Variants in MACROD2 observed in about 807,000 individuals in gnomAD.
The protein encoded by MACROD2 is ADP-ribose glycohydrolase MACROD2.
Under a neutral mutation model 70.4 loss-of-function variants are expected in MACROD2, and 36 were observed. That is an observed-to-expected ratio of 0.51 (90% CI 0.39 to 0.68). MACROD2 has a LOEUF of 0.68. Ranked by LOEUF, MACROD2 falls within the 30% of genes least tolerant of loss-of-function variation. The pLI is 0.00. For synonymous variants in MACROD2, 172 were observed against 178.8 expected (o/e 0.96, Z 0.30); for missense variants, 496 against 538.4 (o/e 0.92, Z 0.78).
At chr20:16,037,002 A>T (rs2067245200) in intron 15 of MACROD2, among the ~76,000 whole-genome samples, 2 of 152,026 alleles carry the variant, frequency 1.3e-5, no homozygotes, top group South Asian at 4.1e-4. Flanking sequence ...CTCCAGGAAT[A>T]TAGTGGTATA....
At chr20:15,521,858 T>G (rs1417045718) in intron 8 of MACROD2, among the ~76,000 whole-genome samples, 1 of 152,148 alleles carries the variant, frequency 6.6e-6, no homozygotes, top group Non-Finnish European at 1.5e-5. Context: ...CAATTTACAG[T>G]GGATTTTAGT....
At chr20:14,728,435 G>A (rs998865707) in intron 5 of MACROD2, among the ~76,000 whole-genome samples, 1 of 151,968 alleles carries the variant, frequency 6.6e-6, no homozygotes, top group Non-Finnish European at 1.5e-5. Flanking sequence ...ATTTTATATA[G>A]CATACGTAAT....
At chr20:14,653,364 G>A (rs777949154) in intron 4 of MACROD2, among the ~76,000 whole-genome samples, 3 of 151,768 alleles carry the variant, frequency 2.0e-5, no homozygotes, top group Admixed American at 6.6e-5. Flanking sequence ...GACTACAGGC[G>A]CCCGCCACCA....
At chr20:14,185,748 T>TA (rs2081339263) in intron 3 of MACROD2, among the ~76,000 whole-genome samples, 1 of 152,186 alleles carries the variant, frequency 6.6e-6, no homozygotes, top group Non-Finnish European at 1.5e-5. Context: ...TTAGATGAGC[T>TA]AATCTTTTTA....
chr20:14,395,084 A>G (rs1445998663), intron 3 of MACROD2, among the ~76,000 whole-genome samples: 1 of 152,038 alleles, frequency 6.6e-6, no homozygotes, highest in Non-Finnish European at 1.5e-5. Context: ...TAGTAGAGCA[A>G]TGTTGATCTC....
intron 4 of MACROD2, among the ~76,000 whole-genome samples, chr20:14,521,964 C>T (rs1667918396): frequency 6.6e-6 from 1 of 152,110 alleles, no homozygotes. Context: ...GCAGCACTCC[C>T]CACCAATGCA....
intron 5 of MACROD2, among the ~76,000 whole-genome samples, chr20:15,099,259 AGTG>A (rs1283998414): frequency 1.3e-5 from 2 of 152,306 alleles, no homozygotes; most frequent in Middle Eastern, 3.4e-3. Context: ...TAACCACTAA[AGTG>A]GTGGTATTTC....
intron 3 of MACROD2, among the ~76,000 whole-genome samples, chr20:14,308,510 C>T (rs541898247): frequency 2.4e-4 from 36 of 151,898 alleles, no homozygotes; most frequent in Middle Eastern, 6.3e-3. Context: ...GCATATTGCC[C>T]CCTAAAATAG....
rs529789905 is a variant in MACROD2, at chr20:15,730,837, G to A, written c.646-131908G>A. 2.0e-4 allele frequency among the ~76,000 whole-genome samples: 30 copies of A among 148,228 alleles called. 1 individual carries two copies. The South Asian group carries it at 6.4e-3, about 32-fold the overall frequency. On this transcript the variant is annotated intron_variant, in intron 8 of 17. Transcript: ENST00000684519. ...CAGGTCTGACAATGAGTCATACATT[G>A]GGTCACTTTACATAATCCCATATTT...
At chr20:14,639,781 A>T (rs1224607396) in intron 4 of MACROD2, among the ~76,000 whole-genome samples, 2 of 152,186 alleles carry the variant, frequency 1.3e-5, no homozygotes, top group East Asian at 1.9e-4. Context: ...AAGTTTCAGG[A>T]CCACTTAAGT....
At chr20:15,910,170 C>T (rs2065214799) in intron 10 of MACROD2, among the ~76,000 whole-genome samples, 1 of 152,192 alleles carries the variant, frequency 6.6e-6, no homozygotes, top group Non-Finnish European at 1.5e-5. Flanking sequence ...GTCACTTTCT[C>T]TCAAAATTTG....
intron 6 of MACROD2, among the ~76,000 whole-genome samples, chr20:15,321,248 C>T (rs1184685048): frequency 6.9e-6 from 1 of 143,944 alleles, no homozygotes; most frequent in East Asian, 2.0e-4. Context: ...TGACTTTGGT[C>T]CCATTTAGTT....
At chr20:14,726,279 T>A (rs1317805585) in intron 5 of MACROD2, among the ~76,000 whole-genome samples, 1 of 152,172 alleles carries the variant, frequency 6.6e-6, no homozygotes, top group African/African-American at 2.4e-5. Flanking sequence ...CCTTGATATT[T>A]TGAAATACTA....
At chr20:14,228,498 C>T (rs557039799) in intron 3 of MACROD2, among the ~76,000 whole-genome samples, 1 of 151,892 alleles carries the variant, frequency 6.6e-6, no homozygotes, top group South Asian at 2.1e-4. Flanking sequence ...CCACCATGCC[C>T]AGCTAATTTT....
At chr20:15,728,719 C>G (rs902064951) in intron 8 of MACROD2, among the ~76,000 whole-genome samples, 10 of 151,892 alleles carry the variant, frequency 6.6e-5, no homozygotes, top group Non-Finnish European at 1.5e-5. Context: ...AGAGTTTTTT[C>G]TATTTCTGTG....
intron 3 of MACROD2, among the ~76,000 whole-genome samples, chr20:14,441,581 T>G (rs2084123915): frequency 6.6e-6 from 1 of 152,208 alleles, no homozygotes; most frequent in African/African-American, 2.4e-5. Flanking sequence ...TCCAGTGATA[T>G]GGCATTGAGT....
chr20:15,303,465 C>T (rs1214752598), intron 6 of MACROD2, among the ~76,000 whole-genome samples: 1 of 152,176 alleles, frequency 6.6e-6, no homozygotes, highest in East Asian at 1.9e-4. Flanking sequence ...ACGTTCATGT[C>T]AGTAGAAAAG....
In MACROD2 at chr20:14,103,335, G is replaced by A. The variant is rs114024666; in HGVS notation, c.271+17607G>A. On this transcript the variant is annotated intron_variant, in intron 3 of 17. Coordinates refer to ENST00000684519, the MANE Select transcript of MACROD2 (RefSeq NM_001351661.2). ...AGAGTCTTTCTTTTAGTCTTTGAGA[G>A]AGACTAAAAAATGCAAGGGAAACTG... Among the ~76,000 whole-genome samples, 1,129 of 152,276 alleles carry A rather than the reference G, an allele frequency of 7.4e-3. 19 individuals carry two copies. Among genetic ancestry groups the A allele is most frequent in the African/African-American group, 0.026 (1,065 of 41,566 alleles).
chr20:14,628,368 G>A (rs1482313434), intron 4 of MACROD2, among the ~76,000 whole-genome samples: 1 of 152,154 alleles, frequency 6.6e-6, no homozygotes, highest in Non-Finnish European at 1.5e-5. Context: ...ACGATGGCTG[G>A]AAATCATGTA....
Sources: allele counts gnomAD v4.1 joint callset (sites outside exome capture counted in the v4.1 genomes callset), GRCh38; gene constraint gnomAD v4.1.1; transcripts MANE v1.5; gene names NCBI Gene and HGNC (gene_info 2026-07-23, HGNC 2026-07-21).